The following MCF2L variants were observed in gnomAD, a reference collection of about 807,000 sequenced individuals.
MCF2L encodes the protein MCF.2 cell line derived transforming sequence like, also known as guanine nucleotide exchange factor DBS.
Under a neutral mutation model 153.4 loss-of-function variants are expected in MCF2L, and 97 were observed. That is an observed-to-expected ratio of 0.63 (90% CI 0.54 to 0.75). The LOEUF is 0.75. Among genes scored for constraint, MCF2L ranks in the 30% least tolerant of loss-of-function variants. The pLI is 0.00. For missense variants in MCF2L, 1,347 were observed against 1,495.2 expected, an observed-to-expected ratio of 0.90 and a Z score of 1.64; for synonymous variants, 659 against 632.2, an observed-to-expected ratio of 1.04 and a Z score of -0.64.
chr13:112,943,738 G>A lies in MCF2L; in HGVS notation c.169+41367G>A, dbSNP rs926803667. Among the ~76,000 whole-genome samples, 1 of 152,126 alleles carries A rather than the reference G, an allele frequency of 6.6e-6. No homozygotes were observed. ...CCGGGAGCCCGAGCAGCCTGCGGTGGCTCGGCTCGGGCCGGCGGAGATCTG... is the reference window on the plus strand; with the variant it reads ...CCGGGAGCCCGAGCAGCCTGCGGTGACTCGGCTCGGGCCGGCGGAGATCTG... On this transcript the variant is annotated intron_variant, in intron 2 of 29. Transcript: ENST00000375608. The surrounding 1 kb of genome is among the most constrained non-coding windows in gnomAD (Gnocchi z 4.2).
chr13:112,899,990 T>G (rs1347849276), intron 1 of MCF2L, among the ~76,000 whole-genome samples: 1 of 152,166 alleles, frequency 6.6e-6, no homozygotes, highest in Non-Finnish European at 1.5e-5. Flanking sequence ...GTAGCCCTCA[T>G]GCCTGGTGTC....
intron 2 of MCF2L, among the ~76,000 whole-genome samples, chr13:113,020,729 A>G (rs1004773046): frequency 1.3e-5 from 2 of 152,162 alleles, no homozygotes; most frequent in Admixed American, 6.5e-5. Context: ...ATTTCAACAC[A>G]TGAATTCAGG....
intron 3 of MCF2L, chr13:113,026,951 C>T: frequency 2.6e-6 from 2 of 777,604 alleles, no homozygotes; most frequent in Non-Finnish European, 4.8e-6. Flanking sequence ...ATCTGATGTG[C>T]TCGTCCCAGC....
chr13:112,936,630 T>C (rs975260690), intron 2 of MCF2L, among the ~76,000 whole-genome samples: 11 of 152,246 alleles, frequency 7.2e-5, no homozygotes, highest in African/African-American at 2.2e-4. Flanking sequence ...GTAAAAGATC[T>C]TTCCCTAATC....
At chr13:112,954,394 C>T (rs528313296) in intron 2 of MCF2L, among the ~76,000 whole-genome samples, 2 of 152,316 alleles carry the variant, frequency 1.3e-5, no homozygotes, top group South Asian at 2.1e-4. Context: ...GCAGCACCCC[C>T]GGCTTCTGCC....
intron 17 of MCF2L, 121 bp downstream of exon 17, chr13:113,082,663 A>C: frequency 1.4e-6 from 1 of 706,668 alleles, no homozygotes; most frequent in Non-Finnish European, 2.5e-6. Context: ...GGGGCGCCCA[A>C]GGGGTGGACT....
At chr13:113,015,471 C>T (rs974539803) in intron 2 of MCF2L, among the ~76,000 whole-genome samples, 2 of 151,986 alleles carry the variant, frequency 1.3e-5, no homozygotes, top group African/African-American at 2.4e-5. Context: ...GCCCCGATGC[C>T]GAGGAGGGTG....
At chr13:113,084,726 G>T (rs2142021052) in intron 18 of MCF2L, 166 bp from the exon 19 acceptor site, 1 of 627,516 alleles carries the variant, frequency 1.6e-6, no homozygotes, top group South Asian at 1.9e-5. Context: ...GGGAGCCAGT[G>T]CCGGCCCTCG....
At chr13:113,020,859 A>G (rs2084831662) in intron 2 of MCF2L, among the ~76,000 whole-genome samples, 1 of 147,482 alleles carries the variant, frequency 6.8e-6, no homozygotes. Flanking sequence ...ATGTATGTGT[A>G]GTGTGTATAT....
In MCF2L at chr13:113,046,634, C is replaced by T. The variant is rs1472086557; in HGVS notation, c.369+1273C>T. The T allele has an allele frequency of 1.9e-6, 1 of 533,392 alleles. No individual in the cohort carries two copies. The highest frequency in any genetic ancestry group is 1.4e-5 in the South Asian group (1 of 71,574). 33.0% of individuals were successfully genotyped at this position (533,392 alleles called of 1,614,324 possible). ...CCATATCTGCTCCGATGCCCACAAC[C>T]TTCATCGTTTTGGTGCAAGCCTGTC... On this transcript the variant is annotated intron_variant, in intron 4 of 29. Transcript: ENST00000535094. The surrounding 1 kb of genome is among the most constrained non-coding windows in gnomAD (Gnocchi z 4.4).
At chr13:113,044,739 G>A (rs774687763) in intron 3 of MCF2L, 1 of 1,612,912 alleles carries the variant, frequency 6.2e-7, no homozygotes, top group Non-Finnish European at 8.5e-7. Flanking sequence ...GGCTGTCGCA[G>A]AGAGTGCTGC....
At chr13:112,915,419 A>AT (rs1389247847) in intron 2 of MCF2L, among the ~76,000 whole-genome samples, 1 of 149,924 alleles carries the variant, frequency 6.7e-6, no homozygotes, top group African/African-American at 2.5e-5. Flanking sequence ...ACAAAAAAAA[A>AT]AAAAAATCCA....
At chr13:112,929,756 G>A (rs997398323) in intron 2 of MCF2L, among the ~76,000 whole-genome samples, 2 of 152,210 alleles carry the variant, frequency 1.3e-5, no homozygotes, top group Non-Finnish European at 2.9e-5. Context: ...CCTGCATCAC[G>A]GACTGCATGG....
chr13:112,933,295 C>T (rs1341584259), intron 2 of MCF2L, among the ~76,000 whole-genome samples: 5 of 152,190 alleles, frequency 3.3e-5, no homozygotes, highest in African/African-American at 7.2e-5. Flanking sequence ...TTCGGAGGTT[C>T]CTCTGCCAGT....
chr13:112,997,950 T>TG (rs1436981792), intron 1 of MCF2L, among the ~76,000 whole-genome samples: 2 of 152,238 alleles, frequency 1.3e-5, no homozygotes, highest in Non-Finnish European at 2.9e-5. Flanking sequence ...GCTGAGGTGC[T>TG]GGGCCTGCCC....
intron 2 of MCF2L, among the ~76,000 whole-genome samples, chr13:113,023,065 C>T (rs1414119958): frequency 6.6e-6 from 1 of 152,212 alleles, no homozygotes; most frequent in Non-Finnish European, 1.5e-5. Context: ...GCCGCCTTCC[C>T]CTTCGGGGGC....
chr13:113,084,241 GAACCTCCTGAACCCCAGAA>G (rs1406902577), intron 18 of MCF2L, among the ~76,000 whole-genome samples, 174 bp downstream of exon 18: 18 of 151,454 alleles, frequency 1.2e-4, no homozygotes, highest in Admixed American at 7.2e-4. Context: ...TGAACCCCCA[GAACCTCCTGAACCCCAGAA>G]AACCTCCTGA....
intron 15 of MCF2L, among the ~76,000 whole-genome samples, chr13:113,080,353 C>G (rs1391648046): frequency 6.6e-6 from 1 of 152,106 alleles, no homozygotes; most frequent in Non-Finnish European, 1.5e-5. Flanking sequence ...AGTGCTCGGC[C>G]CTGAGACGCA....
chr13:112,968,064 C>T, upstream of MCF2L: 1 of 209,528 alleles, frequency 4.8e-6, no homozygotes, highest in Non-Finnish European at 9.5e-6. Flanking sequence ...ATTCCCAAAC[C>T]ATTCGTGGAA....
Sources: gnomAD v4.1 joint callset for allele counts (sites outside exome capture counted in the v4.1 genomes callset) on GRCh38, gnomAD v4.1.1 for gene constraint, Gnocchi (gnomAD v3.1) non-coding constraint, MANE v1.5 for transcripts, NCBI Gene and HGNC (gene_info 2026-07-23, HGNC 2026-07-21) for gene names.